KCNAB1: variants seen among roughly 807,000 people sequenced by gnomAD.
The protein encoded by KCNAB1 is voltage-gated potassium channel subunit beta-1.
KCNAB1 carries 35 observed loss-of-function variants against 64.6 expected under a neutral mutation model. The ratio of observed to expected loss-of-function variants is 0.54; its 90% CI spans 0.41 to 0.72. KCNAB1 has a LOEUF of 0.72. Ranked by LOEUF, KCNAB1 falls within the 30% of genes least tolerant of loss-of-function variation. The probability of loss-of-function intolerance (pLI) is 0.00; values close to 1 mark genes in which losing one functional copy is unlikely to be tolerated. For missense variants in KCNAB1, 401 were observed against 512.9 expected, an observed-to-expected ratio of 0.78 and a Z score of 2.11; for synonymous variants, 177 against 183.8, an observed-to-expected ratio of 0.96 and a Z score of 0.30.
intron 1 of KCNAB1, among the ~76,000 whole-genome samples, chr3:156,281,416 CT>C (rs1278171096): frequency 6.7e-6 from 1 of 150,154 alleles, no homozygotes; most frequent in Non-Finnish European, 1.5e-5. Flanking sequence ...GGATATTGGT[CT>C]AAAATTCTCT....
chr3:156,455,131 A>G (rs1712305102), intron 3 of KCNAB1, among the ~76,000 whole-genome samples: 1 of 152,218 alleles, frequency 6.6e-6, no homozygotes, highest in Non-Finnish European at 1.5e-5. Flanking sequence ...CTCACCCATC[A>G]CAGAATTATT....
At chr3:156,158,174 AATAAAAAATAAAT>A (rs1184841744) in intron 1 of KCNAB1, among the ~76,000 whole-genome samples, 18 of 68,922 alleles carry the variant, frequency 2.6e-4, no homozygotes, top group African/African-American at 1.0e-3. Flanking sequence ...CAAAAAAAAA[AATAAAAAATAAAT>A]AAATAAATAA....
intron 1 of KCNAB1, among the ~76,000 whole-genome samples, chr3:156,174,013 T>C (rs1032962327): frequency 6.6e-6 from 1 of 152,208 alleles, no homozygotes; most frequent in South Asian, 2.1e-4. Flanking sequence ...TTCAGACTCG[T>C]ACTGGAACAA....
chr3:156,377,934 C>T (rs923207576), intron 1 of KCNAB1, among the ~76,000 whole-genome samples: 6 of 152,064 alleles, frequency 3.9e-5, no homozygotes, highest in Non-Finnish European at 8.8e-5. Context: ...AATAGTGTCA[C>T]ATGCAGAGAG....
intron 1 of KCNAB1, among the ~76,000 whole-genome samples, chr3:156,376,812 T>C (rs2108138168): frequency 6.6e-6 from 1 of 152,122 alleles, no homozygotes; most frequent in East Asian, 1.9e-4. Context: ...TTATTTTTAA[T>C]CTAGAGGAAG....
intron 1 of KCNAB1, among the ~76,000 whole-genome samples, chr3:156,199,130 A>G (rs2108374854): frequency 6.6e-6 from 1 of 152,134 alleles, no homozygotes; most frequent in South Asian, 2.1e-4. Context: ...TTCTTTAAGA[A>G]TGTTAAATAT....
chr3:156,159,500 G>T (rs1577654384), intron 1 of KCNAB1, among the ~76,000 whole-genome samples: 2 of 152,184 alleles, frequency 1.3e-5, no homozygotes, highest in South Asian at 4.2e-4. Flanking sequence ...GCCTCCCCTT[G>T]CCCATTGTTC....
intron 2 of KCNAB1, among the ~76,000 whole-genome samples, chr3:156,435,065 C>T (rs753477129): frequency 9.9e-5 from 15 of 152,140 alleles, no homozygotes; most frequent in African/African-American, 2.4e-4. Context: ...CCCTGGGACT[C>T]GAGCCAGTGT....
intron 6 of KCNAB1, among the ~76,000 whole-genome samples, chr3:156,465,266 C>A (rs1203138147): frequency 1.3e-5 from 2 of 152,150 alleles, no homozygotes; most frequent in Non-Finnish European, 2.9e-5. Flanking sequence ...GTTCAGCAGC[C>A]TGGCAATCTT....
At chr3:156,438,295 A>G (rs954747023) in intron 2 of KCNAB1, among the ~76,000 whole-genome samples, 10 of 152,258 alleles carry the variant, frequency 6.6e-5, no homozygotes, top group African/African-American at 2.4e-4. Flanking sequence ...AGAGCAGGGC[A>G]GATGCCACTT....
intron 11 of KCNAB1, among the ~76,000 whole-genome samples, chr3:156,521,794 A>G (rs1717954534): frequency 6.6e-6 from 1 of 152,036 alleles, no homozygotes; most frequent in Non-Finnish European, 1.5e-5. Flanking sequence ...TTTATTTCCA[A>G]CACACTTTTG....
At chr3:156,145,951 G>A (rs1255097914) in intron 1 of KCNAB1, among the ~76,000 whole-genome samples, 1 of 152,140 alleles carries the variant, frequency 6.6e-6, no homozygotes, top group Non-Finnish European at 1.5e-5. Flanking sequence ...AATCTGTGTA[G>A]GTTTCCATGC....
At position 156,146,366 on chromosome 3, in the gene KCNAB1, TTG is replaced by T. The variant is rs1715039740; in HGVS notation, c.275+25482_275+25483del. 2.0e-5 allele frequency among the ~76,000 whole-genome samples: 3 copies of T among 152,284 alleles called. No individual in the cohort carries two copies. In the South Asian group the frequency reaches 6.2e-4, roughly 32 times the overall value. On this transcript the variant is annotated intron_variant, in intron 1 of 13. Transcript: ENST00000490337. Reference sequence around the variant, plus strand: ...TTACTACTAAGAGGCTGAAAATTAATTGTCTTTATTACATAGCACTGAACTCT... The same window carrying T: ...TTACTACTAAGAGGCTGAAAATTAATTCTTTATTACATAGCACTGAACTCT...
intron 1 of KCNAB1, chr3:156,176,893 G>T: frequency 8.9e-7 from 1 of 1,129,196 alleles, no homozygotes; most frequent in Non-Finnish European, 1.3e-6. Flanking sequence ...GGGCCTGTAC[G>T]CTTCTGCTGT....
chr3:156,156,691 G>A (rs1232780740), intron 1 of KCNAB1, among the ~76,000 whole-genome samples: 1 of 152,202 alleles, frequency 6.6e-6, no homozygotes, highest in Non-Finnish European at 1.5e-5. Context: ...CAGGGGAGTG[G>A]ATCTGGAGGG....
chr3:156,434,030 A>G (rs915188285), intron 2 of KCNAB1, among the ~76,000 whole-genome samples: 1 of 152,220 alleles, frequency 6.6e-6, no homozygotes, highest in Non-Finnish European at 1.5e-5. Context: ...GAATTAATAC[A>G]TACATTTCAG....
At chr3:156,207,836 T>G (rs1337306064) in intron 1 of KCNAB1, among the ~76,000 whole-genome samples, 1 of 152,218 alleles carries the variant, frequency 6.6e-6, no homozygotes, top group African/African-American at 2.4e-5. Flanking sequence ...GAACTATTTC[T>G]GTTTAATATA....
intron 1 of KCNAB1, among the ~76,000 whole-genome samples, chr3:156,228,605 G>A (rs188136176): frequency 1.3e-5 from 2 of 152,210 alleles, no homozygotes; most frequent in Admixed American, 1.3e-4. Flanking sequence ...AAGTGGGGAG[G>A]GCACCTCTCC....
chr3:156,318,077 G>A (rs1467191738), intron 1 of KCNAB1, among the ~76,000 whole-genome samples: 1 of 152,122 alleles, frequency 6.6e-6, no homozygotes, highest in Non-Finnish European at 1.5e-5. Flanking sequence ...GTGACAGAGA[G>A]GTAAAAGGAA....
Sources: gnomAD v4.1 joint callset for allele counts (sites outside exome capture counted in the v4.1 genomes callset) on GRCh38, gnomAD v4.1.1 for gene constraint, MANE v1.5 for transcripts, NCBI Gene and HGNC (gene_info 2026-07-23, HGNC 2026-07-21) for gene names.